HIVEP3: variants seen among roughly 807,000 people sequenced by gnomAD.
HIVEP3 encodes the protein transcription factor HIVEP3.
A neutral mutation model predicts 152.8 loss-of-function variants in HIVEP3; 49 were observed. That is an observed-to-expected ratio of 0.32 (90% CI 0.26 to 0.41). HIVEP3 has a LOEUF of 0.41. Among genes scored for constraint, HIVEP3 ranks in the 10% least tolerant of loss-of-function variants. The pLI, the probability that HIVEP3 is intolerant of heterozygous loss-of-function variation, is 1.00. For synonymous variants in HIVEP3, 1,269 were observed against 1,289.0 expected (o/e 0.98, Z 0.33); for missense variants, 2,790 against 3,103.3 (o/e 0.90, Z 2.40).
chr1:41,754,255 G>A (rs146497063), intron 1 of HIVEP3, among the ~76,000 whole-genome samples: 1 of 152,220 alleles, frequency 6.6e-6, no homozygotes, highest in Non-Finnish European at 1.5e-5. Context: ...GAGAAGGGAG[G>A]ATTTTGAGCA....
At chr1:41,954,567 G>A (rs763927835) in intron 1 of HIVEP3, among the ~76,000 whole-genome samples, 36 of 152,252 alleles carry the variant, frequency 2.4e-4, no homozygotes, top group Non-Finnish European at 4.6e-4. Context: ...CAGGCCAGTC[G>A]TCATCAAGGC....
intron 1 of HIVEP3, among the ~76,000 whole-genome samples, chr1:41,932,014 A>G (rs1395488711): frequency 6.6e-6 from 1 of 151,528 alleles, no homozygotes; most frequent in Non-Finnish European, 1.5e-5. Context: ...AACATCTTGC[A>G]TTGTTTTTTA....
chr1:41,674,030 C>A (rs891390583), intron 2 of HIVEP3, among the ~76,000 whole-genome samples: 1 of 152,222 alleles, frequency 6.6e-6, no homozygotes, highest in Non-Finnish European at 1.5e-5. Context: ...TCTCTGACAC[C>A]AGGGCGGGGC....
rs747358061 is a variant in HIVEP3 at position 41,583,115 on chromosome 1, G to A, written c.1683C>T (p.Tyr561=). The A allele has an allele frequency of 7.4e-6, 12 of 1,613,818 alleles. No homozygotes were observed. The highest frequency in any genetic ancestry group is 1.0e-5 in the Non-Finnish European group (12 of 1,180,000). Residue 561 remains tyrosine (Y), a synonymous_variant, in exon 4 of 9, where the codon TAC becomes TAT. Coordinates refer to ENST00000372583, the MANE Select transcript of HIVEP3 (RefSeq NM_024503.5). The surrounding 1 kb of genome is among the most constrained non-coding windows in gnomAD (Gnocchi z 6.9). The part of the protein sequence containing the change: ...STPHHPFRGS[Y]SFDDHITDSE... ...AGTCGGTGATATGGTCATCGAAGGA[G>A]TAGCTACCTCGGAAGGGGTGGTGGG...
intron 2 of HIVEP3, among the ~76,000 whole-genome samples, chr1:41,641,382 G>A (rs1264583955): frequency 1.3e-5 from 2 of 152,166 alleles, no homozygotes; most frequent in South Asian, 2.1e-4. Flanking sequence ...AGGGTCCTCC[G>A]GGGACCCAGC....
intron 1 of HIVEP3, among the ~76,000 whole-genome samples, chr1:41,893,756 A>G (rs1473456834): frequency 6.8e-6 from 1 of 147,696 alleles, no homozygotes; most frequent in Non-Finnish European, 1.5e-5. Flanking sequence ...ATTTATATTC[A>G]TATATACATA....
chr1:41,705,054 G>A (rs956547911), intron 1 of HIVEP3, among the ~76,000 whole-genome samples: 1 of 152,196 alleles, frequency 6.6e-6, no homozygotes, highest in Non-Finnish European at 1.5e-5. Context: ...GGCACTGTGC[G>A]AGGTTCTGGT....
intron 1 of HIVEP3, among the ~76,000 whole-genome samples, chr1:41,752,899 T>A (rs994186292): frequency 6.6e-6 from 1 of 152,236 alleles, no homozygotes; most frequent in Non-Finnish European, 1.5e-5. Flanking sequence ...CTTTACAAAG[T>A]GTTAGGCTCA....
chr1:41,917,841 T>TA (rs1265465056), intron 1 of HIVEP3, among the ~76,000 whole-genome samples: 1 of 151,870 alleles, frequency 6.6e-6, no homozygotes. Context: ...GGGCTAGGAT[T>TA]AAGGGGGAAA....
At chr1:41,544,296 T>C (rs2149071611) in intron 5 of HIVEP3, 1 of 152,098 alleles carries the variant, frequency 6.6e-6, no homozygotes, top group Admixed American at 6.5e-5. Flanking sequence ...TCATCCTTAC[T>C]AGAAACCAGT....
At chr1:41,968,340 C>T (rs994656539) in intron 1 of HIVEP3, among the ~76,000 whole-genome samples, 10 of 152,164 alleles carry the variant, frequency 6.6e-5, no homozygotes, top group Non-Finnish European at 1.0e-4. Context: ...TCCAGCAGCA[C>T]ATCAAAAAGC....
At chr1:41,809,508 C>G (rs1039003825) in intron 1 of HIVEP3, among the ~76,000 whole-genome samples, 2 of 152,216 alleles carry the variant, frequency 1.3e-5, no homozygotes, top group African/African-American at 2.4e-5. Flanking sequence ...TTTTCTCTCT[C>G]TGTCTTAGAT....
At chr1:41,677,280 G>A (rs535268049) in intron 2 of HIVEP3, among the ~76,000 whole-genome samples, 5 of 152,154 alleles carry the variant, frequency 3.3e-5, no homozygotes, top group African/African-American at 4.8e-5. Context: ...GCTCTAACAC[G>A]CTTCACACGT....
intron 1 of HIVEP3, among the ~76,000 whole-genome samples, chr1:41,835,565 A>G (rs544173924): frequency 6.6e-6 from 1 of 152,378 alleles, no homozygotes; most frequent in South Asian, 2.1e-4. Flanking sequence ...CATAGCGTCT[A>G]GATTCCTATC....
At chr1:41,765,877 C>T (rs529643821) in intron 1 of HIVEP3, among the ~76,000 whole-genome samples, 3 of 152,340 alleles carry the variant, frequency 2.0e-5, no homozygotes, top group East Asian at 1.9e-4. Context: ...CATGTTGTGG[C>T]CTCTCTTTGC....
At chr1:41,623,868 G>A (rs1645079529) in intron 3 of HIVEP3, among the ~76,000 whole-genome samples, 1 of 149,986 alleles carries the variant, frequency 6.7e-6, no homozygotes, top group Non-Finnish European at 1.5e-5. Context: ...ACCTTGACCT[G>A]TTGAATGGCC....
rs907417218 is a variant in HIVEP3, at chr1:41,529,813, C to T, written c.5208-4903G>A. Among the ~76,000 whole-genome samples, 3 of 147,352 alleles carry T rather than the reference C, an allele frequency of 2.0e-5. No individual in the cohort carries two copies. In the South Asian group the frequency reaches 6.7e-4, roughly 33 times the overall value. ...TCATACATACACATAACCCCACAATCACACACCCCACACACCCCCACATTC... is the reference window on the plus strand; with the variant it reads ...TCATACATACACATAACCCCACAATTACACACCCCACACACCCCCACATTC... On this transcript the variant is annotated intron_variant, in intron 5 of 8. Transcript: ENST00000372583.
chr1:41,596,560 G>T (rs1450889942), intron 3 of HIVEP3, among the ~76,000 whole-genome samples: 1 of 152,176 alleles, frequency 6.6e-6, no homozygotes, highest in African/African-American at 2.4e-5. Context: ...GCTCCATTCA[G>T]ATTTGCATTT....
chr1:41,803,302 A>G (rs1650412096), intron 1 of HIVEP3, among the ~76,000 whole-genome samples: 1 of 152,180 alleles, frequency 6.6e-6, no homozygotes, highest in African/African-American at 2.4e-5. Flanking sequence ...CACAGGCGAA[A>G]AAGTCTTGCA....
Sources: gnomAD v4.1 joint callset for allele counts (sites outside exome capture counted in the v4.1 genomes callset) on GRCh38, gnomAD v4.1.1 for gene constraint, Gnocchi (gnomAD v3.1) non-coding constraint, MANE v1.5 for transcripts, NCBI Gene and HGNC (gene_info 2026-07-23, HGNC 2026-07-21) for gene names.